The following PRKN variants were observed in gnomAD, a reference collection of about 807,000 sequenced individuals.
PRKN encodes E3 ubiquitin-protein ligase parkin.
Under a neutral mutation model 59.5 loss-of-function variants are expected in PRKN, and 56 were observed. The ratio of observed to expected loss-of-function variants is 0.94; its 90% confidence interval spans 0.76 to 1.18. PRKN has a LOEUF of 1.18. Ranked by LOEUF, PRKN falls within the 50% of genes most tolerant of loss-of-function variation. PRKN has a pLI of 0.00. For synonymous variants in PRKN, 250 were observed against 222.1 expected (o/e 1.13, Z -1.12); for missense variants, 657 against 596.4 (o/e 1.10, Z -1.06).
intron 2 of PRKN, among the ~76,000 whole-genome samples, chr6:162,331,769 C>A (rs757113158): frequency 6.6e-6 from 1 of 152,128 alleles, no homozygotes; most frequent in African/African-American, 2.4e-5. Context: ...AGCCATAGTA[C>A]GTGTCTGATT....
chr6:162,211,812 T>C (rs1785208752), intron 3 of PRKN, among the ~76,000 whole-genome samples: 2 of 152,158 alleles, frequency 1.3e-5, no homozygotes. Context: ...GTTAAAAAAT[T>C]TGGATCATTT....
intron 9 of PRKN, among the ~76,000 whole-genome samples, chr6:161,479,226 C>A (rs1791271084): frequency 6.6e-6 from 1 of 152,106 alleles, no homozygotes; most frequent in African/African-American, 2.4e-5. Context: ...ATCATTATCA[C>A]TATATTTAGT....
intron 5 of PRKN, among the ~76,000 whole-genome samples, chr6:162,020,763 T>C (rs1222451019): frequency 6.6e-6 from 1 of 152,094 alleles, no homozygotes; most frequent in East Asian, 1.9e-4. Flanking sequence ...TTTTAAAATT[T>C]AGGAATGCCA....
In PRKN at chr6:161,391,205, C is replaced by T. The variant is rs2114955335; in HGVS notation, c.1084-4328G>A. Among the ~76,000 whole-genome samples, 1 of 152,208 alleles carries T rather than the reference C, an allele frequency of 6.6e-6. No homozygotes were observed. The highest frequency in any genetic ancestry group is 1.9e-4 in the East Asian group (1 of 5,172). On this transcript the variant is annotated intron_variant, in intron 9 of 11. Coordinates refer to ENST00000366898, the MANE Select transcript of PRKN (RefSeq NM_004562.3). The surrounding 1 kb of genome is among the most constrained non-coding windows in gnomAD (Gnocchi z 4.9). Reference sequence around the variant, plus strand: ...GGCGCCTGGATCCTTCTTTAACCAACCATGTAGAAGGCTGAAATTTACCCA... The same window carrying T: ...GGCGCCTGGATCCTTCTTTAACCAATCATGTAGAAGGCTGAAATTTACCCA...
intron 6 of PRKN, among the ~76,000 whole-genome samples, chr6:161,954,712 C>A (rs774424666): frequency 6.6e-6 from 1 of 152,142 alleles, no homozygotes; most frequent in Non-Finnish European, 1.5e-5. Flanking sequence ...TAAACCTGAT[C>A]GAGGTTTTTG....
intron 1 of PRKN, among the ~76,000 whole-genome samples, chr6:162,701,808 AACAC>A (rs909019695): frequency 2.7e-5 from 4 of 146,910 alleles, no homozygotes; most frequent in African/African-American, 7.6e-5. Context: ...TTCCAATAGG[AACAC>A]ACACACACAT....
At chr6:161,903,946 G>T (rs143595424) in intron 6 of PRKN, among the ~76,000 whole-genome samples, 245 of 151,986 alleles carry the variant, frequency 1.6e-3, no homozygotes, top group African/African-American at 5.6e-3. Flanking sequence ...TACAAACAGG[G>T]AGCTGGGGTG....
intron 9 of PRKN, among the ~76,000 whole-genome samples, chr6:161,421,169 C>T (rs1024545464): frequency 6.6e-6 from 1 of 152,108 alleles, no homozygotes; most frequent in Non-Finnish European, 1.5e-5. Flanking sequence ...ACTCGAGGGC[C>T]CATACCCCAC....
At chr6:161,895,543 TCAGGAGCACGCCCACCCCACCTGCCG>T (rs1487678900) in intron 6 of PRKN, among the ~76,000 whole-genome samples, 4 of 100,874 alleles carry the variant, frequency 4.0e-5, no homozygotes, top group South Asian at 3.9e-4. Context: ...CTTCTGAGAT[TCAGGAGCACGCCCACCCCACCTGCCG>T]TTATACACCC....
chr6:162,632,686 A>G (rs1008180402), intron 1 of PRKN, among the ~76,000 whole-genome samples: 6 of 152,132 alleles, frequency 3.9e-5, no homozygotes, highest in Non-Finnish European at 7.4e-5. Context: ...ATAAATAAAA[A>G]GAACTCACTT....
intron 7 of PRKN, among the ~76,000 whole-genome samples, chr6:161,617,471 C>T (rs1782739694): frequency 1.3e-5 from 2 of 152,174 alleles, no homozygotes; most frequent in Admixed American, 1.3e-4. Context: ...AGAAAATGTA[C>T]TTGCTCCGTT....
chr6:162,023,012 T>C (rs911182066), intron 5 of PRKN, among the ~76,000 whole-genome samples: 1 of 152,162 alleles, frequency 6.6e-6, no homozygotes, highest in African/African-American at 2.4e-5. Flanking sequence ...TCCATTGATA[T>C]ATGTGTCCAT....
At position 161,943,873 on chromosome 6, in the gene PRKN, A is replaced by C. The variant is rs762634782; in HGVS notation, c.734+29429T>G. On this transcript the variant is annotated intron_variant, in intron 6 of 11. Coordinates refer to ENST00000366898, the MANE Select transcript of PRKN (RefSeq NM_004562.3). Reference sequence around the variant, plus strand: ...TCAGCCTGAGGAAGCAGCCTGAGGAAGCAGCCTGAGGGATTGGCCTGAGGA... The same window carrying C: ...TCAGCCTGAGGAAGCAGCCTGAGGACGCAGCCTGAGGGATTGGCCTGAGGA... Among the ~76,000 whole-genome samples the C allele has an allele frequency of 1.1e-4, 10 of 93,142 alleles. 1 individual carries two copies. The South Asian group carries it at 1.6e-3, about 15-fold the overall frequency. 61.1% of individuals were successfully genotyped at this position (93,142 alleles called of 152,430 possible).
At chr6:161,682,235 G>T (rs1223141565) in intron 7 of PRKN, among the ~76,000 whole-genome samples, 2 of 152,204 alleles carry the variant, frequency 1.3e-5, no homozygotes, top group South Asian at 2.1e-4. Flanking sequence ...CACAGGTGTG[G>T]AAAAGGGCAA....
At chr6:161,573,140 G>A (rs1780958654) in intron 7 of PRKN, among the ~76,000 whole-genome samples, 1 of 152,130 alleles carries the variant, frequency 6.6e-6, no homozygotes, top group African/African-American at 2.4e-5. Context: ...GAAGTTGTGG[G>A]GGAAGGGAGG....
intron 9 of PRKN, among the ~76,000 whole-genome samples, chr6:161,443,476 G>C (rs186918230): frequency 1.2e-4 from 18 of 152,258 alleles, no homozygotes; most frequent in Admixed American, 1.2e-3. Flanking sequence ...CAGGGTGTGG[G>C]AGCCTGAGAG....
At chr6:162,442,939 T>C (rs974428382) in intron 2 of PRKN, among the ~76,000 whole-genome samples, 1 of 152,084 alleles carries the variant, frequency 6.6e-6, no homozygotes, top group South Asian at 2.1e-4. Context: ...AGCAGCCTGA[T>C]TGGGAACAAT....
chr6:161,500,445 G>A (rs899442298), intron 9 of PRKN, among the ~76,000 whole-genome samples: 1 of 152,172 alleles, frequency 6.6e-6, no homozygotes, highest in African/African-American at 2.4e-5. Context: ...AAAACCCTCA[G>A]TGCTCCACAT....
At chr6:161,926,995 G>T (rs1398070546) in intron 6 of PRKN, among the ~76,000 whole-genome samples, 5 of 152,036 alleles carry the variant, frequency 3.3e-5, no homozygotes, top group Admixed American at 3.3e-4. Context: ...AGATAAATGA[G>T]AACATTTAAT....
Sources: gnomAD v4.1 joint callset for allele counts (sites outside exome capture counted in the v4.1 genomes callset) on GRCh38, gnomAD v4.1.1 for gene constraint, Gnocchi (gnomAD v3.1) non-coding constraint, MANE v1.5 for transcripts, NCBI Gene and HGNC (gene_info 2026-07-23, HGNC 2026-07-21) for gene names.